The following ARID1B variants were observed in gnomAD, a reference collection of about 807,000 sequenced individuals.
The protein encoded by ARID1B is AT-rich interactive domain-containing protein 1B.
ARID1B carries 30 observed loss-of-function variants against 212.3 expected under a neutral mutation model. The ratio of observed to expected loss-of-function variants is 0.14; its 90% CI spans 0.11 to 0.19. The LOEUF is 0.19. Among genes scored for constraint, ARID1B ranks in the 10% least tolerant of loss-of-function variants. The pLI is 1.00. For missense variants in ARID1B, 2,891 were observed against 3,204.0 expected (o/e 0.90, Z 2.36); for synonymous variants, 1,402 against 1,301.7 (o/e 1.08, Z -1.66).
At chr6:156,800,818 A>T in intron 1 of ARID1B, among the ~76,000 whole-genome samples, 1 of 152,088 alleles carries the variant, frequency 6.6e-6, no homozygotes, top group East Asian at 1.9e-4. Flanking sequence ...GAGGTGGAGG[A>T]TCACCTGAGC....
intron 3 of ARID1B, among the ~76,000 whole-genome samples, chr6:156,922,569 T>C (rs570380750): frequency 3.5e-4 from 54 of 152,300 alleles, no homozygotes; most frequent in Admixed American, 6.5e-4. Context: ...CTTAAGTAAT[T>C]TTTATTTGTG....
At chr6:156,947,357 C>T (rs1327386700) in intron 4 of ARID1B, among the ~76,000 whole-genome samples, 1 of 152,066 alleles carries the variant, frequency 6.6e-6, no homozygotes, top group Admixed American at 6.5e-5. Context: ...ATTATTAATT[C>T]CTCCTTCTCT....
chr6:156,966,419 G>T, intron 4 of ARID1B, among the ~76,000 whole-genome samples: 1 of 126,644 alleles, frequency 7.9e-6, no homozygotes, highest in Admixed American at 9.0e-5. Context: ...TTGAGACAGA[G>T]GTTTACCCTT....
rs551649777 is a variant in ARID1B at position 156,930,321 on chromosome 6, C to T, written c.2137-5145C>T. ...AGTGTGTAGCACCTCCCTGCTCTCT[C>T]CCTTGCTGCTCCCACTGTGTGAGCC... is the stretch of plus-strand genomic sequence containing the variant. On this transcript the variant is annotated intron_variant, in intron 3 of 19. Transcript: ENST00000636930. Among the ~76,000 whole-genome samples, 21 of 152,272 alleles carry T rather than the reference C, an allele frequency of 1.4e-4. No homozygotes were observed. In the South Asian group the frequency reaches 1.5e-3, roughly 11 times the overall value.
At chr6:157,098,639 C>G (rs1785828085) in intron 5 of ARID1B, among the ~76,000 whole-genome samples, 2 of 152,222 alleles carry the variant, frequency 1.3e-5, no homozygotes, top group African/African-American at 4.8e-5. Flanking sequence ...GTCATACTGC[C>G]TATTTACTAT....
rs1373588994 is a variant in ARID1B, at chr6:157,200,914, A to T, written c.4689A>T (p.Thr1563=). 1.9e-6 allele frequency: 3 copies of T among 1,613,822 alleles called. No individual in the cohort carries two copies. Among genetic ancestry groups the T allele is most frequent in the Non-Finnish European group, 2.5e-6 (3 of 1,179,942 alleles). The change falls in exon 18 of 20, where the codon ACA becomes ACT. Residue 1563 remains threonine, a synonymous_variant. Coordinates refer to ENST00000636930, the MANE Select transcript of ARID1B (RefSeq NM_001374828.1). This position sits in a 1 kb window ranked among gnomAD's most constrained non-coding sequence, Gnocchi z 4.3. ...TGCAGGGCCCGGGGCAGATCCAGAC[A>T]CACGGAATCCCGCCTCAGATGATGG... ...ERMQGPGQIQ[T]HGIPPQMMGG...
At chr6:156,998,292 C>A (rs2128421379) in intron 4 of ARID1B, among the ~76,000 whole-genome samples, 1 of 151,138 alleles carries the variant, frequency 6.6e-6, no homozygotes, top group East Asian at 2.0e-4. Context: ...GCGATCTTGG[C>A]TCACTGCAAC....
intron 2 of ARID1B, chr6:156,870,320 C>T (rs928414823): frequency 6.6e-6 from 1 of 152,138 alleles, no homozygotes; most frequent in African/African-American, 2.4e-5. Context: ...TGGTAGCAGG[C>T]CCCGTCTGAG....
chr6:156,871,021 G>A (rs1331195323), intron 2 of ARID1B, among the ~76,000 whole-genome samples: 1 of 152,160 alleles, frequency 6.6e-6, no homozygotes, highest in Admixed American at 6.5e-5. Context: ...CTAGCATTAT[G>A]CCTAAAAGAG....
At chr6:157,175,483 G>T (rs528871889) in intron 11 of ARID1B, 1 of 152,092 alleles carries the variant, frequency 6.6e-6, no homozygotes, top group Non-Finnish European at 1.5e-5. Context: ...CTCAATTTGG[G>T]TATGGTTTAG....
intron 4 of ARID1B, among the ~76,000 whole-genome samples, chr6:156,966,298 G>A (rs1003442757): frequency 2.0e-5 from 3 of 150,262 alleles, no homozygotes; most frequent in South Asian, 2.1e-4. Context: ...TTATTTTCTC[G>A]TTTTGGTAGT....
chr6:156,932,596 A>G (rs942142155), intron 3 of ARID1B, among the ~76,000 whole-genome samples: 1 of 152,186 alleles, frequency 6.6e-6, no homozygotes, highest in Non-Finnish European at 1.5e-5. Context: ...TGATACTGTC[A>G]TTGCCTTTTT....
chr6:157,143,727 C>T (rs1013543493), intron 7 of ARID1B, among the ~76,000 whole-genome samples: 6 of 152,156 alleles, frequency 3.9e-5, no homozygotes, highest in African/African-American at 1.2e-4. Flanking sequence ...TCCATTGTTG[C>T]CTTTTAAACC....
intron 4 of ARID1B, among the ~76,000 whole-genome samples, chr6:156,962,035 C>A (rs1484294866): frequency 6.6e-6 from 1 of 152,034 alleles, no homozygotes; most frequent in Non-Finnish European, 1.5e-5. Context: ...CGCGGTGGCT[C>A]ACACCTGTAA....
In ARID1B at chr6:156,779,116, G is replaced by C. The variant is rs760718156; in HGVS notation, c.1436G>C (p.Gly479Ala). The C allele has an allele frequency of 4.4e-5, 55 of 1,237,148 alleles. No homozygotes were observed. The highest frequency in any genetic ancestry group is 4.5e-4 in the Middle Eastern group (2 of 4,396). The allele number at this position is 1,237,148 out of a possible 1,614,324, so 76.6% of individuals were successfully genotyped here. Residue 479 changes from glycine to alanine, a missense_variant, in exon 1 of 20, where the codon GGC becomes GCC. Coordinates refer to ENST00000636930, the MANE Select transcript of ARID1B (RefSeq NM_001374828.1). ...GAASLSKAAA[G>A]SAAGGFQRFA... Reference sequence around the variant, plus strand: ...GCGAGCCTCAGCAAGGCGGCCGCCGGCTCGGCGGCGGGGGGCTTCCAGCGC... The same window carrying C: ...GCGAGCCTCAGCAAGGCGGCCGCCGCCTCGGCGGCGGGGGGCTTCCAGCGC...
At chr6:156,797,200 C>G (rs1780444036) in intron 1 of ARID1B, among the ~76,000 whole-genome samples, 1 of 152,174 alleles carries the variant, frequency 6.6e-6, no homozygotes, top group African/African-American at 2.4e-5. Flanking sequence ...GTGACAAAAC[C>G]TAGTCCCTAC....
intron 12 of ARID1B, among the ~76,000 whole-genome samples, chr6:157,182,128 A>T (rs1792590220): frequency 6.6e-6 from 1 of 152,196 alleles, no homozygotes; most frequent in African/African-American, 2.4e-5. Context: ...GCACACCTAC[A>T]GTCCCAGCTG....
chr6:157,014,037 G>T (rs776558211), intron 4 of ARID1B, among the ~76,000 whole-genome samples: 2 of 152,178 alleles, frequency 1.3e-5, no homozygotes, highest in Non-Finnish European at 2.9e-5. Context: ...GTGACTCAGC[G>T]TATAAACCTG....
At chr6:156,803,587 TG>T (rs1457782550) in intron 1 of ARID1B, among the ~76,000 whole-genome samples, 6 of 152,074 alleles carry the variant, frequency 3.9e-5, no homozygotes, top group Non-Finnish European at 7.4e-5. Context: ...GCTTTATTTT[TG>T]TTTTCATGGT....
Sources: allele counts gnomAD v4.1 joint callset (sites outside exome capture counted in the v4.1 genomes callset), GRCh38; gene constraint gnomAD v4.1.1; non-coding constraint Gnocchi (gnomAD v3.1); transcripts MANE v1.5; gene names NCBI Gene and HGNC (gene_info 2026-07-23, HGNC 2026-07-21).